Variants in ARID1B observed in about 807,000 individuals in gnomAD.
The protein encoded by ARID1B is AT-rich interactive domain-containing protein 1B.
A neutral mutation model predicts 212.3 loss-of-function variants in ARID1B; 30 were observed. The observed-to-expected ratio is 0.14, with a 90% confidence interval of 0.11 to 0.19. The LOEUF (loss-of-function observed/expected upper bound fraction) is 0.19. Ranked by LOEUF, ARID1B falls within the 10% of genes least tolerant of loss-of-function variation. The pLI is 1.00. For missense variants in ARID1B, 2,891 were observed against 3,204.0 expected (o/e 0.90, Z 2.36); for synonymous variants, 1,402 against 1,301.7 (o/e 1.08, Z -1.66).
chr6:157,132,830 G>A (rs926545184), intron 6 of ARID1B, among the ~76,000 whole-genome samples, 198 bp from the exon 7 acceptor site: 1 of 152,164 alleles, frequency 6.6e-6, no homozygotes, highest in Non-Finnish European at 1.5e-5. Flanking sequence ...TGGGAATTCA[G>A]GGTTAGGACC....
chr6:157,032,287 A>C (rs1234326846), intron 4 of ARID1B, among the ~76,000 whole-genome samples: 2 of 152,142 alleles, frequency 1.3e-5, no homozygotes, highest in Non-Finnish European at 2.9e-5. Flanking sequence ...TAAAACCTGA[A>C]TTTTTCATGA....
At position 157,180,743 on chromosome 6, in the gene ARID1B, AAG is replaced by A. The variant is rs1312857782; in HGVS notation, c.3505-225_3505-224del. On this transcript the variant is annotated intron_variant, in intron 11 of 19. Coordinates refer to ENST00000636930, the MANE Select transcript of ARID1B (RefSeq NM_001374828.1). ...TTTGTTTTTGTTTTTAAGTGTATAAAAGGGGGAGTTTGGGCCTTTTATTTAAA... is the reference window on the plus strand; with the variant it reads ...TTTGTTTTTGTTTTTAAGTGTATAAAGGGGAGTTTGGGCCTTTTATTTAAA... Among the ~76,000 whole-genome samples, 4 of 152,318 alleles carry A rather than the reference AAG, an allele frequency of 2.6e-5. No homozygotes were observed. In the East Asian group the frequency reaches 5.8e-4, roughly 22 times the overall value.
rs769946920 is a variant in ARID1B, at chr6:156,781,049, TAAAC to T, written c.1791+1581_1791+1584del. On this transcript the variant is annotated intron_variant, in intron 1 of 19. Coordinates refer to ENST00000636930, the MANE Select transcript of ARID1B (RefSeq NM_001374828.1). Reference sequence around the variant, plus strand: ...TTTTGGTGATGTGTAATTCACCTGATAAACAAGATTTAAGCTTCATTTTTTTGTG... The same window carrying T: ...TTTTGGTGATGTGTAATTCACCTGATAAGATTTAAGCTTCATTTTTTTGTG... Among the ~76,000 whole-genome samples, 15 of 152,346 alleles carry T rather than the reference TAAAC, an allele frequency of 9.8e-5. No individual in the cohort carries two copies. The East Asian group carries it at 2.1e-3, about 22-fold the overall frequency.
chr6:156,953,708 C>T (rs1202458424), intron 4 of ARID1B, among the ~76,000 whole-genome samples: 1 of 152,192 alleles, frequency 6.6e-6, no homozygotes, highest in East Asian at 1.9e-4. Flanking sequence ...TTACCACTCC[C>T]TCTGGCTGCT....
intron 2 of ARID1B, among the ~76,000 whole-genome samples, chr6:156,895,124 G>A (rs1269540835): frequency 6.6e-6 from 1 of 152,210 alleles, no homozygotes; most frequent in African/African-American, 2.4e-5. Flanking sequence ...CCTTTAATGT[G>A]ATGATATGGT....
At chr6:156,983,376 C>G (rs942590397) in intron 4 of ARID1B, among the ~76,000 whole-genome samples, 15 of 152,172 alleles carry the variant, frequency 9.9e-5, no homozygotes, top group Non-Finnish European at 2.2e-4. Context: ...GCCTGGGCGA[C>G]AGAGCGAGGC....
chr6:157,139,703 G>T (rs1192943895), intron 7 of ARID1B, among the ~76,000 whole-genome samples: 1 of 151,284 alleles, frequency 6.6e-6, no homozygotes, highest in Non-Finnish European at 1.5e-5. Context: ...ACTATATATA[G>T]AGAGAGCTAT....
At chr6:156,971,066 T>A (rs548171141) in intron 4 of ARID1B, among the ~76,000 whole-genome samples, 2 of 152,348 alleles carry the variant, frequency 1.3e-5, no homozygotes, top group East Asian at 3.9e-4. Flanking sequence ...AGTTCACAGT[T>A]GATGAAATTT....
At chr6:156,991,597 G>A (rs528986293) in intron 4 of ARID1B, among the ~76,000 whole-genome samples, 1 of 152,202 alleles carries the variant, frequency 6.6e-6, no homozygotes, top group South Asian at 2.1e-4. Flanking sequence ...AAATGTTGAG[G>A]GGAAAAGTTC....
intron 1 of ARID1B, among the ~76,000 whole-genome samples, chr6:156,808,175 G>A (rs1170067287): frequency 1.3e-5 from 2 of 151,872 alleles, no homozygotes; most frequent in South Asian, 2.1e-4. Context: ...AGAGATGAGA[G>A]CGTTTCCTAT....
chr6:156,993,022 A>T (rs1283926191), intron 4 of ARID1B, among the ~76,000 whole-genome samples: 1 of 151,574 alleles, frequency 6.6e-6, no homozygotes, highest in Non-Finnish European at 1.5e-5. Context: ...ATTTTAGGCC[A>T]TAATTGTATA....
chr6:157,040,013 G>A (rs763359986), intron 4 of ARID1B, among the ~76,000 whole-genome samples: 51 of 150,260 alleles, frequency 3.4e-4, no homozygotes, highest in Non-Finnish European at 5.2e-4. Context: ...TCAGTGGTGC[G>A]ATTTCAGCTC....
intron 7 of ARID1B, among the ~76,000 whole-genome samples, chr6:157,145,223 T>C (rs1269305416): frequency 6.6e-6 from 1 of 152,200 alleles, no homozygotes; most frequent in East Asian, 1.9e-4. Flanking sequence ...TTTATTAGCT[T>C]GTCCCAAGAC....
intron 4 of ARID1B, among the ~76,000 whole-genome samples, chr6:156,969,353 C>T (rs1264992183): frequency 6.6e-6 from 1 of 152,098 alleles, no homozygotes; most frequent in African/African-American, 2.4e-5. Context: ...GCCCCAGGAT[C>T]GGTGGTGGTG....
chr6:157,064,269 G>T (rs1783535840), intron 4 of ARID1B, among the ~76,000 whole-genome samples: 1 of 152,184 alleles, frequency 6.6e-6, no homozygotes. Context: ...TGCCTATTTA[G>T]GAGTTGGCCT....
chr6:156,932,031 A>T (rs1165665370), intron 3 of ARID1B, among the ~76,000 whole-genome samples: 3 of 138,976 alleles, frequency 2.2e-5, no homozygotes, highest in Non-Finnish European at 4.6e-5. Context: ...GCTACTAGGG[A>T]GGCATGGGTG....
chr6:157,032,065 G>A (rs1156678383), intron 4 of ARID1B, among the ~76,000 whole-genome samples: 8 of 152,178 alleles, frequency 5.3e-5, no homozygotes, highest in African/African-American at 1.9e-4. Context: ...CCAAAGTGCC[G>A]GGATTACAGG....
Position 157,207,038 on chromosome 6 carries a change from C to G in ARID1B, c.6266C>G (p.Ser2089Cys), listed in dbSNP as rs2128395971. The change falls in exon 20 of 20, where the codon TCC becomes TGC. Residue 2089 changes from serine (S) to cysteine (C), a missense_variant. Ser to Cys is a moderately radical substitution (Grantham distance 112). Coordinates refer to ENST00000636930, the MANE Select transcript of ARID1B (RefSeq NM_001374828.1). This position sits in a 1 kb window ranked among gnomAD's most constrained non-coding sequence, Gnocchi z 8.5. The stretch of plus-strand genomic sequence containing the variant: ...GTGCCTGGCAATGATGCCGAAATGT[C>G]CAAACATCCAGGCCTGGTGCTGATC... ...SFVPGNDAEM[S>C]KHPGLVLILG... 2 of 1,614,146 alleles carry G rather than the reference C, an allele frequency of 1.2e-6. No individual in the cohort carries two copies. The highest frequency in any genetic ancestry group is 1.7e-6 in the Non-Finnish European group (2 of 1,180,046).
In ARID1B at chr6:157,208,704, T is replaced by C. The variant is rs1794630446; in HGVS notation, c.*813T>C. 2 of 228,762 alleles carry C rather than the reference T, an allele frequency of 8.7e-6. No homozygotes were observed. The highest frequency in any genetic ancestry group is 1.7e-5 in the Non-Finnish European group (2 of 116,356). The allele number at this position is 228,762 out of a possible 1,614,324, so 14.2% of individuals were successfully genotyped here. A position where few individuals can be genotyped will look rare whatever the true frequency, so the allele number is the denominator to read the frequency against. ...AGTTGTACATTAAACATACCCTCAT[T>C]TTTTTCTTTTCTTTTTTTTTTTTTT... On this transcript the variant is annotated 3_prime_UTR_variant, in exon 20 of 20. Transcript: ENST00000636930.
Sources: gnomAD v4.1 joint callset for allele counts (sites outside exome capture counted in the v4.1 genomes callset) on GRCh38, gnomAD v4.1.1 for gene constraint, Gnocchi (gnomAD v3.1) non-coding constraint, MANE v1.5 for transcripts, NCBI Gene and HGNC (gene_info 2026-07-23, HGNC 2026-07-21) for gene names.